Variants in EFHC2 observed in about 807,000 individuals in gnomAD.
EFHC2 encodes EF-hand domain containing 2, also known as EF-hand domain-containing family member C2.
EFHC2 carries 18 observed loss-of-function variants against 52.7 expected under a neutral mutation model. That is an observed-to-expected ratio of 0.34 (90% CI 0.24 to 0.51). EFHC2 has a LOEUF of 0.51. EFHC2 is among the 20% of genes least tolerant of loss of function. The pLI, the probability that EFHC2 is intolerant of heterozygous loss-of-function variation, is 0.97. For missense variants in EFHC2, 513 were observed against 562.5 expected (o/e 0.91, Z 0.89); for synonymous variants, 203 against 204.1 (o/e 0.99, Z 0.04).
intron 4 of EFHC2, among the ~76,000 whole-genome samples, chrX:44,258,619 G>A (rs759276036): frequency 1.0e-3 from 111 of 110,538 alleles, no homozygotes; most frequent in Middle Eastern, 4.6e-3. Context: ...CTGGGAGGCC[G>A]AGGCAGGTGG....
chrX:44,228,279 C>T (rs1050439368), intron 11 of EFHC2, among the ~76,000 whole-genome samples: 16 of 111,821 alleles, frequency 1.4e-4, no homozygotes, highest in Non-Finnish European at 3.0e-4. Flanking sequence ...CTCCTTGGAT[C>T]GCCTGCCTGG....
intron 2 of EFHC2, among the ~76,000 whole-genome samples, chrX:44,300,085 T>A (rs1164829140): frequency 9.1e-6 from 1 of 109,946 alleles, no homozygotes; most frequent in African/African-American, 3.3e-5. Flanking sequence ...GTAAATAATT[T>A]TTTTTTTAAT....
intron 2 of EFHC2, among the ~76,000 whole-genome samples, chrX:44,301,384 T>C (rs1008952129): frequency 2.7e-5 from 3 of 110,874 alleles, no homozygotes; most frequent in African/African-American, 9.9e-5. Flanking sequence ...GAGACTGATT[T>C]GAGTAATATT....
At chrX:44,302,655 T>C (rs755097072) in intron 2 of EFHC2, among the ~76,000 whole-genome samples, 2 of 112,417 alleles carry the variant, frequency 1.8e-5, no homozygotes, top group South Asian at 7.3e-4. Context: ...TTATTTCTTC[T>C]CTAAAACTAA....
intron 8 of EFHC2, among the ~76,000 whole-genome samples, chrX:44,237,705 T>C (rs972770890): frequency 1.8e-5 from 2 of 111,718 alleles, no homozygotes; most frequent in Admixed American, 1.9e-4. Flanking sequence ...TCAGCAGCAA[T>C]TGGCACAAAT....
intron 12 of EFHC2, among the ~76,000 whole-genome samples, 196 bp from the exon 13 acceptor site, chrX:44,176,580 A>C (rs1356418470): frequency 8.9e-6 from 1 of 112,250 alleles, no homozygotes; most frequent in Non-Finnish European, 1.9e-5. Flanking sequence ...TTCAGAGGCC[A>C]CCAGACTCCA....
chrX:44,169,369 A>C, intron 13 of EFHC2, among the ~76,000 whole-genome samples: 1 of 111,258 alleles, frequency 9.0e-6, no homozygotes, highest in Middle Eastern at 4.6e-3. Context: ...TCGATCTCCC[A>C]GGCTCAAGTG....
chrX:44,288,724 T>A (rs998899465), intron 2 of EFHC2, among the ~76,000 whole-genome samples: 1 of 112,512 alleles, frequency 8.9e-6, no homozygotes, highest in African/African-American at 3.2e-5. Flanking sequence ...TCAAAACTAT[T>A]GTTTACTGAT....
chrX:44,187,135 G>GTGTATATATATATATATATA (rs1556001678), intron 11 of EFHC2, among the ~76,000 whole-genome samples: 34 of 61,747 alleles, frequency 5.5e-4, no homozygotes, highest in African/African-American at 2.7e-3. Context: ...AAACAAAATG[G>GTGTATATATATATATATATA]TATATATATA....
intron 7 of EFHC2, among the ~76,000 whole-genome samples, chrX:44,245,188 G>A (rs1332427222): frequency 9.0e-6 from 1 of 111,496 alleles, no homozygotes; most frequent in African/African-American, 3.3e-5. Flanking sequence ...ATGTCCTGCT[G>A]TTCCTAAAAA....
intron 3 of EFHC2, among the ~76,000 whole-genome samples, chrX:44,268,610 A>C (rs2037594552): frequency 8.9e-6 from 1 of 112,084 alleles, no homozygotes; most frequent in South Asian, 3.7e-4. Context: ...GGAATATCAG[A>C]ACAAAATGTT....
intron 7 of EFHC2, among the ~76,000 whole-genome samples, chrX:44,245,638 C>A (rs1569292488): frequency 1.8e-5 from 2 of 112,243 alleles, no homozygotes; most frequent in Non-Finnish European, 3.8e-5. Flanking sequence ...GAGAAGAAAT[C>A]TATGGAATCA....
chrX:44,261,230 G>T lies in EFHC2; in HGVS notation c.451C>A (p.His151Asn). 1 of 1,211,574 alleles carries T rather than the reference G, an allele frequency of 8.3e-7. No homozygotes were observed. Among genetic ancestry groups the T allele is most frequent in the Admixed American group, 2.2e-5 (1 of 46,017 alleles). ...ACAACCTCTGTGCCGACATTAAAATGATACACAGTATAAAACTGATCCTCA... is the reference window on the plus strand; with the variant it reads ...ACAACCTCTGTGCCGACATTAAAATTATACACAGTATAAAACTGATCCTCA... ...PDEDQFYTVY[H>N]FNVGTEVVFY... Residue 151 changes from histidine (H) to asparagine (N), a missense_variant, in exon 4 of 15, where the codon CAT becomes AAT. Physicochemically the swap from His to Asn is moderately conservative, Grantham distance 68 (BLOSUM62 1). Transcript: ENST00000420999.
chrX:44,302,918 T>C (rs140043834), intron 2 of EFHC2, among the ~76,000 whole-genome samples: 1,501 of 112,184 alleles, frequency 0.013, 10 homozygotes, highest in Middle Eastern at 0.023. Flanking sequence ...TTATATATTC[T>C]GATTATATTT....
chrX:44,309,850 G>T, intron 2 of EFHC2: 1 of 1,175,696 alleles, frequency 8.5e-7, no homozygotes, highest in African/African-American at 1.8e-5. Flanking sequence ...CCAGCGCAAG[G>T]CCCAATCTGC....
At chrX:44,166,934 G>A (rs1430635589) in intron 13 of EFHC2, among the ~76,000 whole-genome samples, 1 of 111,523 alleles carries the variant, frequency 9.0e-6, no homozygotes, top group African/African-American at 3.3e-5. Flanking sequence ...TCCTGTCTTG[G>A]TCTTGCTACT....
chrX:44,331,671 C>T (rs1200412896), intron 1 of EFHC2, among the ~76,000 whole-genome samples: 1 of 112,192 alleles, frequency 8.9e-6, no homozygotes, highest in East Asian at 2.8e-4. Context: ...AATCTCAACA[C>T]TTCGGGGGGC....
chrX:44,192,059 TAA>T (rs1491316710), intron 11 of EFHC2, among the ~76,000 whole-genome samples: 5 of 89,303 alleles, frequency 5.6e-5, no homozygotes, highest in Admixed American at 1.4e-4. Flanking sequence ...TTCACATATG[TAA>T]GTGTGTGTGT....
chrX:44,332,363 C>T (rs762046046), intron 1 of EFHC2, among the ~76,000 whole-genome samples: 65 of 110,685 alleles, frequency 5.9e-4, no homozygotes, highest in African/African-American at 2.1e-3. Context: ...TTGTTTTGAC[C>T]ATTCCCTCCT....
Sources: gnomAD v4.1 joint callset for allele counts (sites outside exome capture counted in the v4.1 genomes callset) on GRCh38, gnomAD v4.1.1 for gene constraint, MANE v1.5 for transcripts, NCBI Gene and HGNC (gene_info 2026-07-23, HGNC 2026-07-21) for gene names.